Variants in INPP5A observed in about 807,000 individuals in gnomAD.
INPP5A encodes 43 kDa inositol polyphosphate 5-phophatase.
In INPP5A, 14 loss-of-function variants were observed where a neutral mutation model predicts 65.2. The observed-to-expected ratio is 0.21, with a 90% confidence interval of 0.14 to 0.34. The LOEUF (loss-of-function observed/expected upper bound fraction) is 0.34. INPP5A is among the 10% of genes least tolerant of loss of function. The probability of loss-of-function intolerance (pLI) is 1.00; values close to 1 mark genes in which losing one functional copy is unlikely to be tolerated. For synonymous variants in INPP5A, 207 were observed against 208.3 expected, an observed-to-expected ratio of 0.99 and a Z score of 0.05; for missense variants, 431 against 545.6, an observed-to-expected ratio of 0.79 and a Z score of 2.09.
At chr10:132,684,569 T>G (rs1228464470) in intron 4 of INPP5A, among the ~76,000 whole-genome samples, 4 of 152,248 alleles carry the variant, frequency 2.6e-5, no homozygotes, top group Non-Finnish European at 4.4e-5. Flanking sequence ...GGTGTGTCCC[T>G]GTGGCTCATG....
chr10:132,697,031 C>T lies in INPP5A; in HGVS notation c.371-785C>T, dbSNP rs969910754. On this transcript the variant is annotated intron_variant, in intron 5 of 15. Coordinates refer to ENST00000368594, the MANE Select transcript of INPP5A (RefSeq NM_005539.5). The surrounding 1 kb of genome is among the most constrained non-coding windows in gnomAD (Gnocchi z 5.6). ...GCTGCTTGTGGGACACAACACACTG[C>T]TCCAAAGCGGTCTCCAGGAACCTCG... Among the ~76,000 whole-genome samples, 18 of 152,250 alleles carry T rather than the reference C, an allele frequency of 1.2e-4. No homozygotes were observed. Among genetic ancestry groups the T allele is most frequent in the Non-Finnish European group, 2.2e-4 (15 of 68,050 alleles).
At chr10:132,747,920 A>C (rs937679658) in intron 9 of INPP5A, among the ~76,000 whole-genome samples, 2 of 152,086 alleles carry the variant, frequency 1.3e-5, no homozygotes, top group Non-Finnish European at 2.9e-5. Context: ...ATGGTGGTGC[A>C]TTACCTACAG....
chr10:132,719,369 G>A (rs1358032789), intron 8 of INPP5A, among the ~76,000 whole-genome samples: 1 of 146,934 alleles, frequency 6.8e-6, no homozygotes, highest in Admixed American at 6.8e-5. Context: ...CGCCTTAGAC[G>A]GCTGTCTTGC....
At chr10:132,542,274 G>C (rs2070916324) in intron 1 of INPP5A, among the ~76,000 whole-genome samples, 1 of 152,226 alleles carries the variant, frequency 6.6e-6, no homozygotes, top group African/African-American at 2.4e-5. Context: ...ACCCGGGTTT[G>C]CAGAACGGCT....
At chr10:132,632,213 G>A (rs2072284961) in intron 2 of INPP5A, among the ~76,000 whole-genome samples, 3 of 152,256 alleles carry the variant, frequency 2.0e-5, no homozygotes. Context: ...TTTGTTGAAG[G>A]GATCTTTGTC....
At chr10:132,755,571 T>C (rs568696186) in intron 11 of INPP5A, among the ~76,000 whole-genome samples, 1 of 150,540 alleles carries the variant, frequency 6.6e-6, no homozygotes, top group East Asian at 2.0e-4. Flanking sequence ...TGAGAGCAGG[T>C]GTGAGCGAGT....
chr10:132,662,437 A>G (rs1023360977), intron 4 of INPP5A, among the ~76,000 whole-genome samples: 12 of 152,208 alleles, frequency 7.9e-5, no homozygotes, highest in African/African-American at 2.7e-4. Flanking sequence ...GTCTGTGTAC[A>G]CCGTGGTGTG....
At chr10:132,761,855 A>C (rs747685666) in intron 11 of INPP5A, among the ~76,000 whole-genome samples, 1 of 152,258 alleles carries the variant, frequency 6.6e-6, no homozygotes, top group Non-Finnish European at 1.5e-5. Context: ...ACAGACCGTC[A>C]ATAATGCCAA....
rs1177724472 is a variant in INPP5A at position 132,545,560 on chromosome 10, A to T, written c.75+7389A>T. 6.6e-6 allele frequency among the ~76,000 whole-genome samples: 1 copy of T among 152,104 alleles called. No individual in the cohort carries two copies. Among genetic ancestry groups the T allele is most frequent in the Non-Finnish European group, 1.5e-5 (1 of 68,000 alleles). ...GCTGTCTCCTGGGCGGGTCCTTCTG[A>T]TGTGAGTGCACTCCAGTGAAATACC... is the stretch of plus-strand genomic sequence containing the variant. On this transcript the variant is annotated intron_variant, in intron 1 of 15. Transcript: ENST00000368594. The surrounding 1 kb of genome is among the most constrained non-coding windows in gnomAD (Gnocchi z 4.6).
intron 9 of INPP5A, among the ~76,000 whole-genome samples, chr10:132,734,004 G>T (rs1219574209): frequency 6.6e-5 from 10 of 152,202 alleles, no homozygotes; most frequent in Non-Finnish European, 2.9e-5. Context: ...TGTGAGTCAG[G>T]CCCAGGGCCC....
intron 7 of INPP5A, among the ~76,000 whole-genome samples, chr10:132,708,825 A>C (rs1845584865): frequency 6.6e-6 from 1 of 152,142 alleles, no homozygotes; most frequent in Non-Finnish European, 1.5e-5. Context: ...TGCAGTGAAC[A>C]TGTTCTCGAT....
In INPP5A at chr10:132,652,968, C is replaced by A. The variant is rs371100626; in HGVS notation, c.306+2463C>A. On this transcript the variant is annotated intron_variant, in intron 4 of 15. Transcript: ENST00000368594. ...GGCTCTGCACCGCAGGAGGACCCCA[C>A]AGTCCCCTCCTGCTGGCCGATGTGC... Among the ~76,000 whole-genome samples, 7 of 152,186 alleles carry A rather than the reference C, an allele frequency of 4.6e-5. No homozygotes were observed. The East Asian group carries it at 1.4e-3, about 29-fold the overall frequency.
intron 8 of INPP5A, among the ~76,000 whole-genome samples, chr10:132,723,630 T>C (rs1207489365): frequency 2.6e-3 from 154 of 58,756 alleles, no homozygotes; most frequent in African/African-American, 5.7e-3. Flanking sequence ...TGGGGATTGG[T>C]TTTGTGGGGA....
intron 9 of INPP5A, among the ~76,000 whole-genome samples, chr10:132,730,952 A>C (rs1846073737): frequency 1.3e-5 from 2 of 152,214 alleles, no homozygotes; most frequent in Admixed American, 6.5e-5. Flanking sequence ...AGTACAGACC[A>C]GGTGACTTTC....
At chr10:132,732,234 G>C (rs1040378155) in intron 9 of INPP5A, among the ~76,000 whole-genome samples, 2 of 152,228 alleles carry the variant, frequency 1.3e-5, no homozygotes, top group Non-Finnish European at 2.9e-5. Flanking sequence ...CAAAGGAATG[G>C]GAAGAAAAAT....
At chr10:132,780,033 C>T (rs1425806305) in intron 13 of INPP5A, among the ~76,000 whole-genome samples, 2 of 152,394 alleles carry the variant, frequency 1.3e-5, no homozygotes, top group South Asian at 2.1e-4. Flanking sequence ...GGCGCCGCTT[C>T]ACCCGCGAGA....
intron 11 of INPP5A, among the ~76,000 whole-genome samples, chr10:132,764,495 G>A (rs1438528143): frequency 7.6e-4 from 108 of 141,962 alleles, no homozygotes; most frequent in Non-Finnish European, 1.2e-3. Flanking sequence ...TGCAGGGGTG[G>A]GAGGGTGTGT....
At chr10:132,709,218 C>T (rs1400339529) in intron 7 of INPP5A, among the ~76,000 whole-genome samples, 1 of 142,266 alleles carries the variant, frequency 7.0e-6, no homozygotes, top group Non-Finnish European at 1.5e-5. Context: ...CTGCTCAGGG[C>T]AGGACATCCC....
chr10:132,699,673 G>A (rs1008735652), intron 6 of INPP5A, among the ~76,000 whole-genome samples: 1 of 152,144 alleles, frequency 6.6e-6, no homozygotes, highest in Non-Finnish European at 1.5e-5. Context: ...CGCAGGGTCA[G>A]CCAGGGTGGG....
Sources: gnomAD v4.1 joint callset for allele counts (sites outside exome capture counted in the v4.1 genomes callset) on GRCh38, gnomAD v4.1.1 for gene constraint, Gnocchi (gnomAD v3.1) non-coding constraint, MANE v1.5 for transcripts, NCBI Gene and HGNC (gene_info 2026-07-23, HGNC 2026-07-21) for gene names.